The following PCDH15 variants were observed in gnomAD, a reference collection of about 807,000 sequenced individuals.
The protein encoded by PCDH15 is protocadherin-15.
A neutral mutation model predicts 178.5 loss-of-function variants in PCDH15; 129 were observed. The ratio of observed to expected loss-of-function variants is 0.72; its 90% CI spans 0.63 to 0.84. The LOEUF (loss-of-function observed/expected upper bound fraction) is 0.84. Ranked by LOEUF, PCDH15 falls within the 40% of genes least tolerant of loss-of-function variation. The pLI is 0.00. For missense variants in PCDH15, 2,230 were observed against 2,099.9 expected (o/e 1.06, Z -1.21); for synonymous variants, 800 against 732.0 (o/e 1.09, Z -1.50).
At chr10:54,295,815 T>G (rs1166704848) in intron 8 of PCDH15, among the ~76,000 whole-genome samples, 1 of 152,066 alleles carries the variant, frequency 6.6e-6, no homozygotes, top group Non-Finnish European at 1.5e-5. Context: ...TCCTTAGAAT[T>G]CAGGATCTAA....
chr10:54,300,519 C>T (rs192081672), intron 8 of PCDH15, among the ~76,000 whole-genome samples: 11 of 152,306 alleles, frequency 7.2e-5, no homozygotes, highest in African/African-American at 2.2e-4. Flanking sequence ...GACACTACAG[C>T]TGCAGGGCCC....
chr10:55,309,263 C>T (rs2132286726), intron 1 of PCDH15, among the ~76,000 whole-genome samples: 1 of 152,042 alleles, frequency 6.6e-6, no homozygotes, highest in Admixed American at 6.6e-5. Flanking sequence ...ACCTGTAATC[C>T]CTGCATTTTT....
At chr10:54,002,314 T>C (rs2092198092) in intron 20 of PCDH15, among the ~76,000 whole-genome samples, 1 of 151,890 alleles carries the variant, frequency 6.6e-6, no homozygotes, top group South Asian at 2.1e-4. Flanking sequence ...CAAAGAAACA[T>C]CAGACCTAAT....
At chr10:55,182,759 A>G (rs1839686763) in intron 1 of PCDH15, among the ~76,000 whole-genome samples, 1 of 152,006 alleles carries the variant, frequency 6.6e-6, no homozygotes, top group Non-Finnish European at 1.5e-5. Flanking sequence ...AAACTGTGGG[A>G]TTTCATTGGG....
intron 15 of PCDH15, among the ~76,000 whole-genome samples, chr10:54,105,287 T>G (rs1271285191): frequency 1.6e-5 from 1 of 64,116 alleles, no homozygotes; most frequent in East Asian, 4.0e-4. Context: ...GATATATATA[T>G]ATATATATAT....
At chr10:55,166,678 C>T (rs1044639423) in intron 1 of PCDH15, 8 of 152,060 alleles carry the variant, frequency 5.3e-5, no homozygotes, top group African/African-American at 1.9e-4. Context: ...TTGATCAATA[C>T]CACATCAAAA....
intron 1 of PCDH15, among the ~76,000 whole-genome samples, chr10:55,174,524 A>G (rs959174548): frequency 2.0e-5 from 3 of 152,154 alleles, no homozygotes; most frequent in African/African-American, 4.8e-5. Flanking sequence ...AAAGTGTCCA[A>G]GGTCGCATAT....
intron 2 of PCDH15, among the ~76,000 whole-genome samples, chr10:54,642,306 T>C (rs1057372465): frequency 3.9e-5 from 6 of 152,312 alleles, no homozygotes; most frequent in Non-Finnish European, 8.8e-5. Flanking sequence ...TGAACAATAA[T>C]TTTTTGTTCC....
intron 8 of PCDH15, among the ~76,000 whole-genome samples, chr10:54,241,099 C>T (rs1476906097): frequency 6.6e-6 from 1 of 152,178 alleles, no homozygotes; most frequent in East Asian, 1.9e-4. Context: ...TCACTACTCT[C>T]TGGTCAACTT....
intron 2 of PCDH15, among the ~76,000 whole-genome samples, chr10:54,545,804 C>G (rs543406591): frequency 1.3e-3 from 192 of 152,212 alleles, no homozygotes; most frequent in African/African-American, 4.6e-3. Context: ...TATATTGGAC[C>G]ACCCACTCTA....
chr10:53,852,396 C>G (rs1281767948), intron 28 of PCDH15, among the ~76,000 whole-genome samples: 2 of 152,034 alleles, frequency 1.3e-5, no homozygotes, highest in Non-Finnish European at 2.9e-5. Context: ...CAGATCCTCA[C>G]TGGAATTTGT....
chr10:54,717,938 A>G (rs1454449739), intron 1 of PCDH15, among the ~76,000 whole-genome samples: 2 of 146,316 alleles, frequency 1.4e-5, no homozygotes, highest in South Asian at 2.2e-4. Flanking sequence ...GCCATAAAAA[A>G]TGATGAGTTC....
At chr10:54,454,138 A>G (rs1048053253) in intron 3 of PCDH15, among the ~76,000 whole-genome samples, 13 of 149,642 alleles carry the variant, frequency 8.7e-5, no homozygotes, top group Non-Finnish European at 1.8e-4. Context: ...AATTTTGTAA[A>G]CACAAAATAG....
intron 15 of PCDH15, among the ~76,000 whole-genome samples, chr10:54,108,669 G>C (rs971741351): frequency 2.6e-5 from 4 of 152,082 alleles, no homozygotes; most frequent in African/African-American, 9.7e-5. Context: ...GCAGCTAAGG[G>C]AGTGCTTGTG....
chr10:54,300,039 C>G (rs7898758), intron 8 of PCDH15, among the ~76,000 whole-genome samples: 39,194 of 152,132 alleles, frequency 0.26, 6,318 homozygotes, highest in Middle Eastern at 0.38. Flanking sequence ...ATAACGAAAT[C>G]TATCCTTACT....
At chr10:54,504,813 G>A (rs2081029532) in intron 3 of PCDH15, among the ~76,000 whole-genome samples, 1 of 151,912 alleles carries the variant, frequency 6.6e-6, no homozygotes, top group African/African-American at 2.4e-5. Flanking sequence ...AGGTAGAGTT[G>A]CCATTTTCTC....
chr10:55,058,392 T>C (rs1196504931), intron 2 of PCDH15, among the ~76,000 whole-genome samples: 1 of 152,056 alleles, frequency 6.6e-6, no homozygotes, highest in Non-Finnish European at 1.5e-5. Context: ...GTATTTTTTG[T>C]AGAGATGGGA....
At chr10:54,002,046 CATATATGTATATATATACATGTATAT>C (rs2092165465) in intron 20 of PCDH15, among the ~76,000 whole-genome samples, 1 of 26,338 alleles carries the variant, frequency 3.8e-5, no homozygotes, top group Admixed American at 3.2e-4. Flanking sequence ...AATATATATA[CATATATGTATATATATACATGTATAT>C]ATATACATAT....
intron 31 of PCDH15, among the ~76,000 whole-genome samples, chr10:53,828,359 A>G (rs571994164): frequency 9.2e-5 from 14 of 152,256 alleles, no homozygotes; most frequent in Admixed American, 9.2e-4. Context: ...CTATAGGCAA[A>G]CTATCTTTTT....
Sources: gnomAD v4.1 joint callset for allele counts (sites outside exome capture counted in the v4.1 genomes callset) on GRCh38, gnomAD v4.1.1 for gene constraint, MANE v1.5 for transcripts, NCBI Gene and HGNC (gene_info 2026-07-23, HGNC 2026-07-21) for gene names.